Variants in IL31RA observed in about 807,000 individuals in gnomAD.
IL31RA encodes interleukin-31 receptor subunit alpha.
Under a neutral mutation model 83.7 loss-of-function variants are expected in IL31RA, and 66 were observed. That is an observed-to-expected ratio of 0.79 (90% confidence interval 0.65 to 0.97). The LOEUF (loss-of-function observed/expected upper bound fraction) is 0.97. Among genes scored for constraint, IL31RA ranks in the 50% least tolerant of loss-of-function variants. The pLI is 0.00. For synonymous variants in IL31RA, 325 were observed against 329.0 expected (o/e 0.99, Z 0.13); for missense variants, 798 against 919.4 (o/e 0.87, Z 1.71).
rs1750043579 is a variant in IL31RA, at chr5:55,920,590, A to G, written c.*3470A>G. On this transcript the variant is annotated 3_prime_UTR_variant, in exon 15 of 15. Coordinates refer to ENST00000652347, the MANE Select transcript of IL31RA (RefSeq NM_139017.7). ...CAACACAGAGTTTTTCCCACAAAGCAGAAAACGTTTACTCTCTGACCCTTT... is the reference window on the plus strand; with the variant it reads ...CAACACAGAGTTTTTCCCACAAAGCGGAAAACGTTTACTCTCTGACCCTTT... Among the ~76,000 whole-genome samples the G allele has an allele frequency of 6.6e-6, 1 of 152,244 alleles. No homozygotes were observed. Among genetic ancestry groups the G allele is most frequent in the African/African-American group, 2.4e-5 (1 of 41,462 alleles).
intron 6 of IL31RA, among the ~76,000 whole-genome samples, chr5:55,895,249 G>C (rs555649801): frequency 6.6e-6 from 1 of 152,262 alleles, no homozygotes; most frequent in African/African-American, 2.4e-5. Flanking sequence ...GCCGCTAGCC[G>C]TCTCGACATT....
chr5:55,885,960 CAG>C (rs957310616), intron 5 of IL31RA, among the ~76,000 whole-genome samples: 38 of 152,238 alleles, frequency 2.5e-4, no homozygotes, highest in African/African-American at 8.4e-4. Flanking sequence ...TGGCTGAGTG[CAG>C]AGTTACTACA....
chr5:55,846,879 C>G (rs10755236), upstream of IL31RA, among the ~76,000 whole-genome samples: 93,841 of 151,862 alleles, frequency 0.62, 29,989 homozygotes, highest in South Asian at 0.73. Flanking sequence ...CCTGTGTGCT[C>G]AAGCAGGTGC....
At chr5:55,853,311 T>C in intron 1 of IL31RA, 1 of 1,232,672 alleles carries the variant, frequency 8.1e-7, no homozygotes, top group Non-Finnish European at 1.0e-6. Context: ...TGTTTTTGCT[T>C]TTGTTTTTAG....
At chr5:55,898,308 T>C (rs35156272) in intron 7 of IL31RA, among the ~76,000 whole-genome samples, 44,633 of 148,468 alleles carry the variant, frequency 0.3, 7,139 homozygotes, top group East Asian at 0.57. Flanking sequence ...TCTGGTCTTT[T>C]TCTCCACACC....
intron 9 of IL31RA, 124 bp from the exon 10 acceptor site, chr5:55,907,235 C>T (rs2112558697): frequency 1.5e-6 from 1 of 684,468 alleles, no homozygotes; most frequent in East Asian, 2.7e-5. Flanking sequence ...GTTTATTTTC[C>T]AGAGGTGGAA....
intron 6 of IL31RA, among the ~76,000 whole-genome samples, chr5:55,893,534 TTCAGAG>T (rs1226155119): frequency 6.6e-6 from 1 of 152,238 alleles, no homozygotes; most frequent in African/African-American, 2.4e-5. Context: ...TAATTTTTTT[TTCAGAG>T]TCCTTACATT....
intron 3 of IL31RA, 66 bp downstream of exon 3, chr5:55,868,974 A>G (rs974510152): frequency 3.3e-6 from 3 of 901,860 alleles, no homozygotes; most frequent in Non-Finnish European, 5.6e-6. Context: ...TGATTCATTC[A>G]TGATTCACAT....
chr5:55,894,808 C>T (rs1748230693), intron 6 of IL31RA, among the ~76,000 whole-genome samples: 1 of 152,194 alleles, frequency 6.6e-6, no homozygotes, highest in Non-Finnish European at 1.5e-5. Flanking sequence ...TCTCCGCTTC[C>T]CGGGTTCAAG....
At chr5:55,905,016 A>G (rs1436358807) in intron 8 of IL31RA, among the ~76,000 whole-genome samples, 1 of 151,558 alleles carries the variant, frequency 6.6e-6, no homozygotes, top group Non-Finnish European at 1.5e-5. Flanking sequence ...CCTGGCCAAC[A>G]TGGTGAAACC....
intron 1 of IL31RA, among the ~76,000 whole-genome samples, chr5:55,852,506 G>C (rs903610325): frequency 2.6e-5 from 4 of 152,140 alleles, no homozygotes; most frequent in Non-Finnish European, 5.9e-5. Flanking sequence ...TAATCTTCTA[G>C]GTAAAAGACT....
chr5:55,847,624 C>G (rs939785060), upstream of IL31RA, among the ~76,000 whole-genome samples: 6 of 152,138 alleles, frequency 3.9e-5, no homozygotes, highest in Non-Finnish European at 7.4e-5. Context: ...TTCCTGAATA[C>G]CCCTTACTGT....
chr5:55,890,229 T>C (rs1747903166), intron 6 of IL31RA, 94 bp downstream of exon 6: 4 of 1,236,310 alleles, frequency 3.2e-6, no homozygotes, highest in Non-Finnish European at 4.7e-6. Flanking sequence ...TGGTTGGGAA[T>C]CATGGAATCT....
chr5:55,896,836 T>G (rs1196876949), intron 7 of IL31RA, among the ~76,000 whole-genome samples: 1 of 80,516 alleles, frequency 1.2e-5, no homozygotes, highest in Non-Finnish European at 2.4e-5. Context: ...TCTTTCTTTT[T>G]GGCAGAGTCT....
upstream of IL31RA, among the ~76,000 whole-genome samples, chr5:55,850,467 T>TG (rs1745025850): frequency 6.6e-6 from 1 of 152,232 alleles, no homozygotes; most frequent in African/African-American, 2.4e-5. Context: ...CAAGAGTTCT[T>TG]GTTCTCTAAT....
At chr5:55,854,615 G>T (rs1745245587) in intron 1 of IL31RA, among the ~76,000 whole-genome samples, 1 of 151,754 alleles carries the variant, frequency 6.6e-6, no homozygotes, top group South Asian at 2.1e-4. Flanking sequence ...CCTGTTGGCA[G>T]GCACCTGTAG....
chr5:55,910,684 C>T lies in IL31RA; in HGVS notation c.1642+12C>T, dbSNP rs1296621185. ...GACATTGTCATTCAGTGAGTATTTC[C>T]TTCAAGCCTTAGGTACCTCTCCCTC... On this transcript the variant is annotated intron_variant, in intron 12 of 14. Coordinates refer to ENST00000652347, the MANE Select transcript of IL31RA (RefSeq NM_139017.7). 9.9e-6 allele frequency: 16 copies of T among 1,613,864 alleles called. No individual in the cohort carries two copies. The highest frequency in any genetic ancestry group is 1.1e-5 in the Non-Finnish European group (13 of 1,179,880).
intron 7 of IL31RA, among the ~76,000 whole-genome samples, chr5:55,898,770 T>TCCCAGCA (rs1748620527): frequency 6.6e-6 from 1 of 152,018 alleles, no homozygotes; most frequent in South Asian, 2.1e-4. Flanking sequence ...GGGCCGGTAA[T>TCCCAGCA]CCCAGCACTT....
intron 14 of IL31RA, 57 bp from the exon 15 acceptor site, chr5:55,916,587 G>C (rs1749794295): frequency 6.8e-7 from 1 of 1,460,450 alleles, no homozygotes; most frequent in African/African-American, 1.4e-5. Flanking sequence ...CGAGTTTTTG[G>C]CTATGTCATA....
Sources: gnomAD v4.1 joint callset for allele counts (sites outside exome capture counted in the v4.1 genomes callset) on GRCh38, gnomAD v4.1.1 for gene constraint, MANE v1.5 for transcripts, NCBI Gene and HGNC (gene_info 2026-07-23, HGNC 2026-07-21) for gene names.